The following NDST3 variants were observed in gnomAD, a reference collection of about 807,000 sequenced individuals.
NDST3 encodes the protein bifunctional heparan sulfate N-deacetylase/N-sulfotransferase 3.
In NDST3, 58 loss-of-function variants were observed where a neutral mutation model predicts 96.1. That is an observed-to-expected ratio of 0.60 (90% CI 0.49 to 0.75). NDST3 has a LOEUF of 0.75. Ranked by LOEUF, NDST3 falls within the 30% of genes least tolerant of loss-of-function variation. NDST3 has a pLI of 0.00. For synonymous variants in NDST3, 333 were observed against 359.7 expected (o/e 0.93, Z 0.84); for missense variants, 788 against 1,034.2 (o/e 0.76, Z 3.27).
chr4:118,132,211 A>G (rs965352788), intron 4 of NDST3, among the ~76,000 whole-genome samples: 1 of 152,174 alleles, frequency 6.6e-6, no homozygotes, highest in Admixed American at 6.5e-5. Flanking sequence ...CAAGGATTAG[A>G]GTGAAAAACA....
chr4:118,234,165 AT>A (rs1278162706), intron 9 of NDST3, among the ~76,000 whole-genome samples: 1 of 152,156 alleles, frequency 6.6e-6, no homozygotes, highest in African/African-American at 2.4e-5. Flanking sequence ...TAATCCCAGC[AT>A]TTTGGGAGGC....
chr4:118,111,173 G>A (rs1730604390), intron 3 of NDST3, among the ~76,000 whole-genome samples: 1 of 152,074 alleles, frequency 6.6e-6, no homozygotes, highest in Admixed American at 6.6e-5. Flanking sequence ...TGGCAGAGAG[G>A]GCAGGAGAAG....
chr4:118,150,271 A>T (rs1170499884), intron 6 of NDST3, among the ~76,000 whole-genome samples: 2 of 152,170 alleles, frequency 1.3e-5, no homozygotes, highest in Non-Finnish European at 2.9e-5. Flanking sequence ...CTGGCCTCAT[A>T]CCATAAAAAC....
intron 2 of NDST3, among the ~76,000 whole-genome samples, chr4:118,086,525 T>A (rs1385600513): frequency 6.6e-6 from 1 of 152,114 alleles, no homozygotes; most frequent in Non-Finnish European, 1.5e-5. Context: ...ATGAGTCACC[T>A]CCTGCCAGCT....
chr4:118,142,454 AAAAAT>A (rs546003841), intron 5 of NDST3, among the ~76,000 whole-genome samples: 26 of 151,938 alleles, frequency 1.7e-4, no homozygotes, highest in East Asian at 5.8e-4. Context: ...AATAAAAAAT[AAAAAT>A]AAAATAAAAT....
chr4:118,206,613 A>G (rs939604542), intron 6 of NDST3, among the ~76,000 whole-genome samples: 1 of 144,762 alleles, frequency 6.9e-6, no homozygotes, highest in Admixed American at 6.8e-5. Context: ...AGTTACTGAT[A>G]TTTCCTAAGC....
intron 6 of NDST3, chr4:118,194,651 C>CA (rs1737547243): frequency 1.5e-6 from 1 of 674,402 alleles, no homozygotes; most frequent in African/African-American, 1.8e-5. Context: ...CGATGACCTT[C>CA]AGCATGCCTT....
intron 2 of NDST3, among the ~76,000 whole-genome samples, chr4:118,074,853 G>A (rs1309644975): frequency 6.6e-6 from 1 of 152,040 alleles, no homozygotes. Context: ...TGTTTTTGTG[G>A]TGGCCAGCAA....
chr4:118,095,631 G>T (rs1470339504), intron 2 of NDST3, among the ~76,000 whole-genome samples: 1 of 151,332 alleles, frequency 6.6e-6, no homozygotes, highest in African/African-American at 2.4e-5. Context: ...CAATTCAGTA[G>T]CATTCAGCAT....
intron 2 of NDST3, among the ~76,000 whole-genome samples, chr4:118,083,328 A>G (rs1445717293): frequency 6.6e-6 from 1 of 152,192 alleles, no homozygotes; most frequent in Non-Finnish European, 1.5e-5. Flanking sequence ...AATGTACTTA[A>G]TCGATGTGTA....
chr4:118,230,328 C>T (rs1268243155), intron 8 of NDST3, among the ~76,000 whole-genome samples: 1 of 152,158 alleles, frequency 6.6e-6, no homozygotes, highest in Non-Finnish European at 1.5e-5. Context: ...AATCCCAGCA[C>T]TTTGGGAGGC....
chr4:118,146,553 T>TAA (rs11396935), intron 6 of NDST3, among the ~76,000 whole-genome samples: 1 of 151,956 alleles, frequency 6.6e-6, no homozygotes, highest in Non-Finnish European at 1.5e-5. Context: ...ACAGCAAAGG[T>TAA]AAAAAAACCG....
chr4:118,108,912 G>A (rs532885824), intron 3 of NDST3, among the ~76,000 whole-genome samples: 158 of 152,192 alleles, frequency 1.0e-3, no homozygotes, highest in Non-Finnish European at 2.0e-3. Flanking sequence ...TCATGATTAT[G>A]TTTGACTTTG....
intron 2 of NDST3, among the ~76,000 whole-genome samples, chr4:118,064,516 A>G (rs1046326466): frequency 3.3e-5 from 5 of 152,108 alleles, no homozygotes; most frequent in Admixed American, 2.6e-4. Context: ...CCAACTTATT[A>G]AACTTCTAGA....
At chr4:118,202,584 T>A (rs1738161231) in intron 6 of NDST3, among the ~76,000 whole-genome samples, 1 of 152,184 alleles carries the variant, frequency 6.6e-6, no homozygotes, top group Non-Finnish European at 1.5e-5. Flanking sequence ...CTATTGTAAA[T>A]GGGATTATGT....
At chr4:118,067,163 A>G (rs1292455227) in intron 2 of NDST3, among the ~76,000 whole-genome samples, 3 of 151,658 alleles carry the variant, frequency 2.0e-5, no homozygotes, top group Non-Finnish European at 4.4e-5. Context: ...GATTTCTGAT[A>G]TGCTGAAAAA....
intron 2 of NDST3, among the ~76,000 whole-genome samples, chr4:118,102,884 C>T (rs1294280296): frequency 6.6e-6 from 1 of 152,040 alleles, no homozygotes; most frequent in African/African-American, 2.4e-5. Context: ...TATCTGCCAT[C>T]TGTTTCAATG....
chr4:118,247,335 C>T (rs953276568), intron 12 of NDST3, among the ~76,000 whole-genome samples: 4 of 151,908 alleles, frequency 2.6e-5, no homozygotes, highest in African/African-American at 7.3e-5. Flanking sequence ...GCAGATCACC[C>T]GAGGTCAGGA....
At chr4:118,191,825 G>A (rs192597459) in intron 6 of NDST3, among the ~76,000 whole-genome samples, 161 of 152,174 alleles carry the variant, frequency 1.1e-3, no homozygotes, top group African/African-American at 3.3e-3. Flanking sequence ...TGAATCATAC[G>A]GTAAGCCTAT....
Sources: allele counts gnomAD v4.1 joint callset (sites outside exome capture counted in the v4.1 genomes callset), GRCh38; gene constraint gnomAD v4.1.1; transcripts MANE v1.5; gene names NCBI Gene and HGNC (gene_info 2026-07-23, HGNC 2026-07-21).